Variants in PPP1CC observed in about 807,000 individuals in gnomAD.
The protein encoded by PPP1CC is serine/threonine-protein phosphatase PP1-gamma catalytic subunit.
A neutral mutation model predicts 38.4 loss-of-function variants in PPP1CC; 16 were observed. The ratio of observed to expected loss-of-function variants is 0.42; its 90% CI spans 0.28 to 0.63. The LOEUF is 0.63. Among genes scored for constraint, PPP1CC ranks in the 30% least tolerant of loss-of-function variants. The probability of loss-of-function intolerance (pLI) is 0.25; values close to 1 mark genes in which losing one functional copy is unlikely to be tolerated. For missense variants in PPP1CC, 170 were observed against 391.3 expected (o/e 0.43, Z 4.77); for synonymous variants, 158 against 136.0 (o/e 1.16, Z -1.13).
rs1323098554 is a variant in PPP1CC at position 110,720,557 on chromosome 12, T to A, written c.*519A>T. On this transcript the variant is annotated 3_prime_UTR_variant, in exon 7 of 7. Coordinates refer to ENST00000335007, the MANE Select transcript of PPP1CC (RefSeq NM_002710.4). ...AAGTTACTCCTAATGTTGATAGCTA[T>A]AAAAACTAGTTTGTACATAACAAGA... The A allele has an allele frequency of 1.7e-5, 4 of 233,312 alleles. No individual in the cohort carries two copies. Among genetic ancestry groups the A allele is most frequent in the Non-Finnish European group, 2.5e-5 (3 of 118,752 alleles). The allele number at this position is 233,312 out of a possible 1,614,324, so 14.5% of individuals were successfully genotyped here.
Position 110,719,895 on chromosome 12 carries a change from A to G in PPP1CC, c.*1181T>C. On this transcript the variant is annotated 3_prime_UTR_variant, in exon 7 of 7. Coordinates refer to ENST00000335007, the MANE Select transcript of PPP1CC (RefSeq NM_002710.4). Reference sequence around the variant, plus strand: ...GTGTGTATTGTGCTGATAAATAGACACTGAGAAGATTTAACAAGTTCATCA... The same window carrying G: ...GTGTGTATTGTGCTGATAAATAGACGCTGAGAAGATTTAACAAGTTCATCA... 1 of 481,250 alleles carries G rather than the reference A, an allele frequency of 2.1e-6. No individual in the cohort carries two copies. The highest frequency in any genetic ancestry group is 3.7e-6 in the Non-Finnish European group (1 of 272,226). The allele number at this position is 481,250 out of a possible 1,614,324, so 29.8% of individuals were successfully genotyped here.
chr12:110,730,879 G>C (rs2069863845), intron 2 of PPP1CC, 120 bp from the exon 3 acceptor site: 3 of 647,956 alleles, frequency 4.6e-6, no homozygotes, highest in Non-Finnish European at 7.8e-6. Context: ...CTAGTAATGA[G>C]AGTTTAACTG....
intron 4 of PPP1CC, among the ~76,000 whole-genome samples, chr12:110,724,331 C>A (rs764736275): frequency 1.3e-5 from 2 of 152,310 alleles, no homozygotes; most frequent in East Asian, 3.9e-4. Context: ...AAGTCCGAGG[C>A]AGGAGGACTG....
intron 1 of PPP1CC, among the ~76,000 whole-genome samples, chr12:110,737,856 A>G (rs2069965673): frequency 6.6e-6 from 1 of 152,054 alleles, no homozygotes; most frequent in Admixed American, 6.6e-5. Flanking sequence ...GATGAGGAGG[A>G]AGAATCGCTT....
the PPP1CC span, among the ~76,000 whole-genome samples, chr12:110,713,342 A>G: frequency 6.6e-6 from 1 of 152,056 alleles, no homozygotes; most frequent in African/African-American, 2.4e-5. Context: ...CGTGTTGCTC[A>G]GGCTGGTTTT....
chr12:110,720,230 G>C lies in PPP1CC; in HGVS notation c.*846C>G. On this transcript the variant is annotated 3_prime_UTR_variant, in exon 7 of 7. Transcript: ENST00000335007. The stretch of plus-strand genomic sequence containing the variant: ...CTGTAAAAAGATTACTTAATGAATA[G>C]ACTATATGGAAATTGTATAAAATGT... 1 of 1,508,100 alleles carries C rather than the reference G, an allele frequency of 6.6e-7. No homozygotes were observed. The highest frequency in any genetic ancestry group is 8.9e-7 in the Non-Finnish European group (1 of 1,120,696). 93.4% of individuals were successfully genotyped at this position (1,508,100 alleles called of 1,614,324 possible).
In PPP1CC at chr12:110,721,079, T is replaced by C. The variant is rs201753416; in HGVS notation, c.969A>G (p.Lys323=). The C allele has an allele frequency of 1.1e-5, 17 of 1,613,754 alleles. No homozygotes were observed. Among genetic ancestry groups the C allele is most frequent in the Non-Finnish European group, 1.4e-5 (17 of 1,179,662 alleles). Residue 323 remains lysine, a synonymous_variant, in exon 7 of 7, where the codon AAA becomes AAG. Transcript: ENST00000335007. ...CTAGGCAGTGTCAAAACGACATCTA[T>C]TTCTTTGCTTGCTTTGTGATCATAC... The part of the protein sequence containing the change: ...PRGMITKQAK[K]
At chr12:110,740,255 T>G (rs2070001518) in intron 1 of PPP1CC, among the ~76,000 whole-genome samples, 1 of 152,082 alleles carries the variant, frequency 6.6e-6, no homozygotes, top group East Asian at 1.9e-4. Context: ...TTACATCTTA[T>G]TTAGGGAAAA....
At chr12:110,739,561 A>C (rs1342423669) in intron 1 of PPP1CC, among the ~76,000 whole-genome samples, 1 of 152,064 alleles carries the variant, frequency 6.6e-6, no homozygotes, top group Non-Finnish European at 1.5e-5. Flanking sequence ...CTTCAGAACA[A>C]CCCTTATGTA....
chr12:110,721,996 T>C (rs1474285731), intron 6 of PPP1CC, 139 bp downstream of exon 6: 2 of 977,696 alleles, frequency 2.0e-6, no homozygotes, highest in Non-Finnish European at 2.9e-6. Flanking sequence ...TATTCAACTA[T>C]AATACACACT....
rs775297454 is a variant in PPP1CC, at chr12:110,731,870, C to G, written c.87G>C (p.Gln29His). 3.7e-6 allele frequency: 6 copies of G among 1,613,728 alleles called. No individual in the cohort carries two copies. In the Admixed American group the frequency reaches 8.3e-5, roughly 22 times the overall value. ...VRGSKPGKNV[Q>H]LQENEIRGLC... ...GTCCTCTGATTTCATTCTCCTGAAG[C>G]TGGACATTCTTACCAGGCTTGGACC... The change falls in exon 2 of 7, where the codon CAG becomes CAC. Residue 29 changes from glutamine to histidine, a missense_variant. Gln to His is a conservative substitution (Grantham distance 24, BLOSUM62 0). This residue lies in a region of PPP1CC where 117 missense variants were observed against 344.4 expected (regional missense o/e 0.34). Coordinates refer to ENST00000335007, the MANE Select transcript of PPP1CC (RefSeq NM_002710.4).
the PPP1CC span, among the ~76,000 whole-genome samples, chr12:110,714,102 A>C: frequency 6.6e-6 from 1 of 152,106 alleles, no homozygotes; most frequent in African/African-American, 2.4e-5. Context: ...ACAACTCAAA[A>C]ACAAACGAAA....
chr12:110,724,427 G>A (rs961804996), intron 4 of PPP1CC, among the ~76,000 whole-genome samples: 28 of 152,084 alleles, frequency 1.8e-4, no homozygotes, highest in African/African-American at 6.8e-4. Context: ...AAAATTTTCT[G>A]CTCTATTTTC....
downstream of PPP1CC, among the ~76,000 whole-genome samples, chr12:110,715,790 T>C (rs1410570842): frequency 6.6e-6 from 1 of 151,990 alleles, no homozygotes; most frequent in Non-Finnish European, 1.5e-5. Flanking sequence ...CCAGGCTAAT[T>C]TTGTATTTTT....
chr12:110,733,625 A>C (rs1051985178), intron 1 of PPP1CC, among the ~76,000 whole-genome samples: 1 of 152,164 alleles, frequency 6.6e-6, no homozygotes, highest in African/African-American at 2.4e-5. Context: ...CAACAATTTA[A>C]AAATTCTTCT....
In PPP1CC at chr12:110,720,545, T is replaced by C. The variant is rs897592423; in HGVS notation, c.*531A>G. The stretch of plus-strand genomic sequence containing the variant: ...TGGCAAGGTTGAAAGTTACTCCTAA[T>C]GTTGATAGCTATAAAAACTAGTTTG... On this transcript the variant is annotated 3_prime_UTR_variant, in exon 7 of 7. Coordinates refer to ENST00000335007, the MANE Select transcript of PPP1CC (RefSeq NM_002710.4). The C allele has an allele frequency of 4.6e-5, 11 of 240,258 alleles. No homozygotes were observed. The highest frequency in any genetic ancestry group is 8.1e-5 in the Non-Finnish European group (10 of 123,330). 14.9% of individuals were successfully genotyped at this position (240,258 alleles called of 1,614,324 possible).
At chr12:110,731,341 A>C (rs1032660366) in intron 2 of PPP1CC, among the ~76,000 whole-genome samples, 1 of 152,190 alleles carries the variant, frequency 6.6e-6, no homozygotes, top group Non-Finnish European at 1.5e-5. Context: ...AAACGAATAA[A>C]GTTTGGTTTT....
intron 1 of PPP1CC, among the ~76,000 whole-genome samples, chr12:110,733,681 C>G (rs2136559112): frequency 6.6e-6 from 1 of 152,310 alleles, no homozygotes; most frequent in African/African-American, 2.4e-5. Context: ...GTGGCATGAT[C>G]ATGGCTTACT....
chr12:110,742,158 C>A (rs537378728), intron 1 of PPP1CC, among the ~76,000 whole-genome samples: 16 of 152,150 alleles, frequency 1.1e-4, no homozygotes, highest in African/African-American at 3.6e-4. Context: ...CCCAGAACCA[C>A]GAAAAATAAA....
Sources: allele counts gnomAD v4.1 joint callset (sites outside exome capture counted in the v4.1 genomes callset), GRCh38; gene constraint gnomAD v4.1.1; regional missense constraint gnomAD v4.1.1; transcripts MANE v1.5; gene names NCBI Gene and HGNC (gene_info 2026-07-23, HGNC 2026-07-21).